NELL2: variants seen among roughly 807,000 people sequenced by gnomAD.
NELL2 encodes the protein protein kinase C-binding protein NELL2.
A neutral mutation model predicts 109.6 loss-of-function variants in NELL2; 41 were observed. The ratio of observed to expected loss-of-function variants is 0.37; its 90% CI spans 0.29 to 0.49. NELL2 has a LOEUF of 0.49. Among genes scored for constraint, NELL2 ranks in the 20% least tolerant of loss-of-function variants. The pLI is 0.98. For missense variants in NELL2, 900 were observed against 1,008.3 expected, an observed-to-expected ratio of 0.89 and a Z score of 1.45; for synonymous variants, 355 against 344.7, an observed-to-expected ratio of 1.03 and a Z score of -0.33.
At chr12:44,682,300 T>C (rs1592324571) in intron 12 of NELL2, among the ~76,000 whole-genome samples, 2 of 151,114 alleles carry the variant, frequency 1.3e-5, no homozygotes, top group Middle Eastern at 6.8e-3. Flanking sequence ...TTGAGTTCAT[T>C]GTAGATTCTG....
chr12:44,559,520 G>T (rs1159494709), intron 15 of NELL2, among the ~76,000 whole-genome samples: 1 of 152,080 alleles, frequency 6.6e-6, no homozygotes, highest in Non-Finnish European at 1.5e-5. Flanking sequence ...AACATCAGGG[G>T]TTGCAATCCT....
chr12:44,819,167 C>T (rs1943459031), intron 2 of NELL2, among the ~76,000 whole-genome samples: 1 of 152,088 alleles, frequency 6.6e-6, no homozygotes, highest in Non-Finnish European at 1.5e-5. Flanking sequence ...AAATGTACAT[C>T]ACTATGGTTG....
intron 9 of NELL2, among the ~76,000 whole-genome samples, chr12:44,742,278 A>T (rs1940025238): frequency 6.6e-6 from 1 of 152,250 alleles, no homozygotes; most frequent in Admixed American, 6.5e-5. Flanking sequence ...ACTAACAAAC[A>T]GAAAGGACAT....
intron 1 of NELL2, among the ~76,000 whole-genome samples, chr12:44,889,972 C>A (rs554387367): frequency 6.6e-6 from 1 of 152,048 alleles, no homozygotes; most frequent in Non-Finnish European, 1.5e-5. Flanking sequence ...AATCTTAGGC[C>A]GGGTTTCCCA....
chr12:44,873,268 A>G (rs527976098), intron 2 of NELL2, among the ~76,000 whole-genome samples: 1 of 152,318 alleles, frequency 6.6e-6, no homozygotes, highest in African/African-American at 2.4e-5. Context: ...GGCATCAACA[A>G]GGAAGGAAAA....
chr12:44,702,095 A>C (rs1406867843), intron 12 of NELL2, among the ~76,000 whole-genome samples: 1 of 151,924 alleles, frequency 6.6e-6, no homozygotes, highest in African/African-American at 2.4e-5. Context: ...CTCTCTTATC[A>C]TCAAGTCTCA....
chr12:44,769,342 T>C lies in NELL2; in HGVS notation c.994+5405A>G, dbSNP rs139100643. ...TATTAATGAAAGCAGCCCATAAATA[T>C]ACAAAAAGGCACTCATCTTCATTAG... On this transcript the variant is annotated intron_variant, in intron 9 of 19. Coordinates refer to ENST00000429094, the MANE Select transcript of NELL2 (RefSeq NM_001145108.2). Among the ~76,000 whole-genome samples the C allele has an allele frequency of 2.1e-4, 32 of 152,204 alleles. No individual in the cohort carries two copies. In the East Asian group the frequency reaches 6.0e-3, roughly 28 times the overall value.
At chr12:44,712,971 A>C (rs1428800421) in intron 10 of NELL2, among the ~76,000 whole-genome samples, 1 of 151,846 alleles carries the variant, frequency 6.6e-6, no homozygotes, top group Non-Finnish European at 1.5e-5. Context: ...CTTTTGTTTG[A>C]GCAAATAAAA....
chr12:44,839,183 T>C (rs1253447008), intron 2 of NELL2, among the ~76,000 whole-genome samples: 2 of 152,204 alleles, frequency 1.3e-5, no homozygotes, highest in Non-Finnish European at 2.9e-5. Context: ...TTATGTGCCA[T>C]TGTACTAATT....
At chr12:44,678,867 T>C (rs1167781912) in intron 12 of NELL2, among the ~76,000 whole-genome samples, 1 of 152,076 alleles carries the variant, frequency 6.6e-6, no homozygotes, top group African/African-American at 2.4e-5. Flanking sequence ...GGATATGTGA[T>C]GACAAGTCTA....
intron 15 of NELL2, among the ~76,000 whole-genome samples, chr12:44,545,209 G>C (rs1372367271): frequency 6.6e-6 from 1 of 151,992 alleles, no homozygotes; most frequent in Non-Finnish European, 1.5e-5. Context: ...AACTCCTTAA[G>C]ACTTTTCAAA....
chr12:44,569,998 C>T (rs1377280), intron 15 of NELL2, among the ~76,000 whole-genome samples: 69,735 of 151,970 alleles, frequency 0.46, 17,370 homozygotes, highest in East Asian at 0.69. Context: ...CGTGATACAA[C>T]AAGCCTCATC....
At chr12:44,594,919 C>T (rs1463801235) in intron 15 of NELL2, among the ~76,000 whole-genome samples, 1 of 152,140 alleles carries the variant, frequency 6.6e-6, no homozygotes, top group Non-Finnish European at 1.5e-5. Context: ...GATTTATACA[C>T]AGAGTCCCCC....
chr12:44,909,776 T>C (rs1054233988), intron 1 of NELL2, among the ~76,000 whole-genome samples: 14 of 144,524 alleles, frequency 9.7e-5, no homozygotes, highest in Non-Finnish European at 1.5e-5. Context: ...CACATATATA[T>C]ACACACACAC....
chr12:44,727,788 T>C (rs751877660), intron 9 of NELL2, among the ~76,000 whole-genome samples: 12 of 152,086 alleles, frequency 7.9e-5, no homozygotes, highest in Non-Finnish European at 1.8e-4. Context: ...ACACATTATA[T>C]TAACTCTGTA....
rs190453828 is a variant in NELL2, at chr12:44,596,126, T to G, written c.1663+11043A>C. Among the ~76,000 whole-genome samples, 10 of 152,336 alleles carry G rather than the reference T, an allele frequency of 6.6e-5. No individual in the cohort carries two copies. In the East Asian group the frequency reaches 1.9e-3, roughly 29 times the overall value. On this transcript the variant is annotated intron_variant, in intron 15 of 19. Coordinates refer to ENST00000429094, the MANE Select transcript of NELL2 (RefSeq NM_001145108.2). The stretch of plus-strand genomic sequence containing the variant: ...TGAGATAAAATGCTCTCTGTGCATT[T>G]TGACAGTCAGAGGTATTAAGCCCCA...
intron 12 of NELL2, among the ~76,000 whole-genome samples, chr12:44,685,194 T>C (rs1261156922): frequency 6.6e-6 from 1 of 152,148 alleles, no homozygotes; most frequent in Non-Finnish European, 1.5e-5. Context: ...CTTTTGATCT[T>C]TGTTGGTTTA....
At chr12:44,651,882 C>T (rs1947312850) in intron 13 of NELL2, among the ~76,000 whole-genome samples, 2 of 152,074 alleles carry the variant, frequency 1.3e-5, no homozygotes, top group Non-Finnish European at 2.9e-5. Flanking sequence ...AGAGGGGAGA[C>T]CTTCTTCTAA....
chr12:44,917,342 T>A (rs761281766), upstream of NELL2, among the ~76,000 whole-genome samples: 1 of 152,172 alleles, frequency 6.6e-6, no homozygotes, highest in East Asian at 1.9e-4. Context: ...CCCAACCACT[T>A]CCTAAGTGAC....
Sources: gnomAD v4.1 joint callset for allele counts (sites outside exome capture counted in the v4.1 genomes callset) on GRCh38, gnomAD v4.1.1 for gene constraint, MANE v1.5 for transcripts, NCBI Gene and HGNC (gene_info 2026-07-23, HGNC 2026-07-21) for gene names.